The following TMC5 variants were observed in gnomAD, a reference collection of about 807,000 sequenced individuals.
The protein encoded by TMC5 is transmembrane channel-like protein 5.
TMC5 carries 86 observed loss-of-function variants against 110.5 expected under a neutral mutation model. That is an observed-to-expected ratio of 0.78 (90% CI 0.65 to 0.93). The LOEUF (loss-of-function observed/expected upper bound fraction) is 0.93. Ranked by LOEUF, TMC5 falls within the 40% of genes least tolerant of loss-of-function variation. The pLI is 0.00. For synonymous variants in TMC5, 455 were observed against 439.5 expected (o/e 1.04, Z -0.44); for missense variants, 1,144 against 1,222.8 (o/e 0.94, Z 0.96).
In TMC5 at chr16:19,485,063, G is replaced by A. The variant is rs778967498; in HGVS notation, c.2364-1882G>A. 3.8e-4 allele frequency among the ~76,000 whole-genome samples: 57 copies of A among 149,454 alleles called. 1 individual carries two copies. Among genetic ancestry groups the A allele is most frequent in the Non-Finnish European group, 1.0e-4 (7 of 67,398 alleles). ...ACTAGCCTGCCTATTTTTTGGTATA[G>A]TGACGTTTCACCTGTACCATTATCT... On this transcript the variant is annotated intron_variant, in intron 15 of 21. Transcript: ENST00000542583.
chr16:19,482,296 G>A (rs1355462330), intron 15 of TMC5, among the ~76,000 whole-genome samples: 2 of 152,156 alleles, frequency 1.3e-5, no homozygotes, highest in Non-Finnish European at 2.9e-5. Flanking sequence ...GACCTCAGGT[G>A]ATCCGCCCAC....
chr16:19,440,213 T>C lies in TMC5; in HGVS notation c.175T>C (p.Ser59Pro). Residue 59 changes from serine to proline, a missense_variant, in exon 3 of 22, where the codon TCC becomes CCC. Ser to Pro is a moderately conservative substitution (Grantham distance 74). Transcript: ENST00000542583. ...GTRSNPYSVA[S>P]RTRPDYPGSL... ...CAGGAGCAATCCATACTCTGTAGCCTCCAGAACACGTCCAGACTATCCTGG... is the reference window on the plus strand; with the variant it reads ...CAGGAGCAATCCATACTCTGTAGCCCCCAGAACACGTCCAGACTATCCTGG... 6.2e-7 allele frequency: 1 copy of C among 1,614,116 alleles called. No individual in the cohort carries two copies. The highest frequency in any genetic ancestry group is 8.5e-7 in the Non-Finnish European group (1 of 1,180,022).
At chr16:19,476,395 T>C (rs1180103290) in intron 12 of TMC5, among the ~76,000 whole-genome samples, 1 of 152,056 alleles carries the variant, frequency 6.6e-6, no homozygotes, top group Non-Finnish European at 1.5e-5. Flanking sequence ...AAGAAAACTC[T>C]GACTATATTC....
At chr16:19,474,014 A>C in intron 11 of TMC5, 111 bp from the exon 12 acceptor site, 3 of 1,001,908 alleles carry the variant, frequency 3.0e-6, no homozygotes, top group Non-Finnish European at 4.3e-6. Context: ...ATAAATAGTT[A>C]ACCGCAGAGG....
chr16:19,438,599 T>C (rs1157183709), intron 2 of TMC5, among the ~76,000 whole-genome samples: 1 of 150,824 alleles, frequency 6.6e-6, no homozygotes, highest in Non-Finnish European at 1.5e-5. Context: ...ATACAAAAAT[T>C]AGCTGGACAT....
At chr16:19,490,184 G>C (rs1968851108) in intron 17 of TMC5, among the ~76,000 whole-genome samples, 1 of 152,172 alleles carries the variant, frequency 6.6e-6, no homozygotes, top group East Asian at 1.9e-4. Flanking sequence ...ATTGGCTGCT[G>C]TTGGGTCAGC....
At chr16:19,435,335 CAA>C (rs35284193) in intron 2 of TMC5, among the ~76,000 whole-genome samples, 114,719 of 138,816 alleles carry the variant, frequency 0.83, 47,008 homozygotes, top group South Asian at 0.9. Flanking sequence ...ACTAAAAATA[CAA>C]AAAAAAAAAA....
chr16:19,440,034 C>T lies in TMC5; in HGVS notation c.-5C>T. ...ACCACTCCAGGGTGAAGAGTCCATA[C>T]CAACATGTCTGCCTACTACAGGAAT... is the stretch of plus-strand genomic sequence containing the variant. On this transcript the variant is annotated 5_prime_UTR_variant, in exon 3 of 22. Transcript: ENST00000542583. The T allele has an allele frequency of 6.2e-7, 1 of 1,609,972 alleles. No individual in the cohort carries two copies. The highest frequency in any genetic ancestry group is 8.5e-7 in the Non-Finnish European group (1 of 1,177,688).
chr16:19,492,942 A>ATATATATATATATATATATATATATAT (rs57619005), intron 19 of TMC5, among the ~76,000 whole-genome samples: 2 of 107,668 alleles, frequency 1.9e-5, no homozygotes, highest in Non-Finnish European at 4.1e-5. Context: ...ATCTCTCTAT[A>ATATATATATATATATATATATATATAT]AGATAAATAC....
chr16:19,496,704 G>A (rs1969060961), intron 20 of TMC5, among the ~76,000 whole-genome samples: 1 of 151,708 alleles, frequency 6.6e-6, no homozygotes, highest in Non-Finnish European at 1.5e-5. Context: ...GACCAACATG[G>A]TGAAACCCTG....
chr16:19,481,068 G>GTATCTTATATCCCAC (rs1968607240), intron 14 of TMC5, among the ~76,000 whole-genome samples: 2 of 152,000 alleles, frequency 1.3e-5, no homozygotes, highest in African/African-American at 2.4e-5. Context: ...GCAAAGAGGG[G>GTATCTTATATCCCAC]TATAAGATAA....
At chr16:19,497,026 T>C in intron 20 of TMC5, 95 bp from the exon 21 acceptor site, 2 of 1,222,012 alleles carry the variant, frequency 1.6e-6, no homozygotes, top group Non-Finnish European at 2.4e-6. Flanking sequence ...TTCTATAAAA[T>C]GGTGAGGGGC....
intron 18 of TMC5, 133 bp downstream of exon 18, chr16:19,490,701 G>T: frequency 2.7e-6 from 2 of 744,540 alleles, no homozygotes; most frequent in South Asian, 4.1e-5. Flanking sequence ...CCCTTGCATA[G>T]GTAGTTTTCT....
rs1597192876 is a variant in TMC5 at position 19,463,216 on chromosome 16, C to A, written c.1149-64C>A. 3.1e-6 allele frequency: 4 copies of A among 1,274,302 alleles called. No individual in the cohort carries two copies. The East Asian group carries it at 9.2e-5, about 29-fold the overall frequency. The allele number at this position is 1,274,302 out of a possible 1,614,324, so 78.9% of individuals were successfully genotyped here. A position where few individuals can be genotyped will look rare whatever the true frequency, so the allele number is the denominator to read the frequency against. On this transcript the variant is annotated intron_variant, in intron 6 of 21. Transcript: ENST00000542583. ...ATTACAGGCATGAGCCACCATGTAACTATTTTTTGAATGAATGAGTTGCAA... is the reference window on the plus strand; with the variant it reads ...ATTACAGGCATGAGCCACCATGTAAATATTTTTTGAATGAATGAGTTGCAA...
upstream of TMC5, among the ~76,000 whole-genome samples, chr16:19,415,473 A>C (rs1239646725): frequency 2.0e-5 from 3 of 152,204 alleles, no homozygotes; most frequent in Non-Finnish European, 4.4e-5. Flanking sequence ...TAGAAGCCGG[A>C]CATACTGCTA....
chr16:19,416,207 G>C (rs1490344728), upstream of TMC5, among the ~76,000 whole-genome samples: 1 of 150,158 alleles, frequency 6.7e-6, no homozygotes, highest in Admixed American at 6.6e-5. Flanking sequence ...AAAAAAAAGA[G>C]GAACGGTAAC....
Position 19,498,266 on chromosome 16 carries a change from TA to T in TMC5, c.*301del. 1 of 386,540 alleles carries T rather than the reference TA, an allele frequency of 2.6e-6. No homozygotes were observed. The highest frequency in any genetic ancestry group is 2.7e-5 in the South Asian group (1 of 37,228). The allele number at this position is 386,540 out of a possible 1,614,324, so 23.9% of individuals were successfully genotyped here. On this transcript the variant is annotated 3_prime_UTR_variant, in exon 22 of 22. Coordinates refer to ENST00000542583, the MANE Select transcript of TMC5 (RefSeq NM_001261841.2). ...GAGATAACTAGGGAATAATGTATAT[TA>T]TCTTCAAGAAGTGTGTGCAGGAATG...
Position 19,498,347 on chromosome 16 carries a change from A to C in TMC5, c.*381A>C, listed in dbSNP as rs939294029. ...CTTCCCAGACCTGGCAAAGGTTTAGAAACTGTTGCTAAGAAAAGTGGTCCA... is the reference window on the plus strand; with the variant it reads ...CTTCCCAGACCTGGCAAAGGTTTAGCAACTGTTGCTAAGAAAAGTGGTCCA... On this transcript the variant is annotated 3_prime_UTR_variant, in exon 22 of 22. Transcript: ENST00000542583. The C allele has an allele frequency of 1.4e-5, 3 of 207,706 alleles. No homozygotes were observed. The highest frequency in any genetic ancestry group is 7.1e-5 in the African/African-American group (3 of 42,234). 12.9% of individuals were successfully genotyped at this position (207,706 alleles called of 1,614,324 possible).
intron 1 of TMC5, chr16:19,411,463 T>G (rs988300122): frequency 1.3e-5 from 2 of 152,156 alleles, no homozygotes; most frequent in African/African-American, 4.8e-5. Context: ...AGATCCAGTT[T>G]CAGACAGTTA....
Sources: allele counts gnomAD v4.1 joint callset (sites outside exome capture counted in the v4.1 genomes callset), GRCh38; gene constraint gnomAD v4.1.1; transcripts MANE v1.5; gene names NCBI Gene and HGNC (gene_info 2026-07-23, HGNC 2026-07-21).